The following MAGI2 variants were observed in gnomAD, a reference collection of about 807,000 sequenced individuals.
MAGI2 encodes membrane associated guanylate kinase, WW and PDZ domain containing 2.
Under a neutral mutation model 133.3 loss-of-function variants are expected in MAGI2, and 35 were observed. That is an observed-to-expected ratio of 0.26 (90% confidence interval 0.20 to 0.35). The LOEUF (loss-of-function observed/expected upper bound fraction) is 0.35. Among genes scored for constraint, MAGI2 ranks in the 10% least tolerant of loss-of-function variants. MAGI2 has a pLI of 1.00. For missense variants in MAGI2, 1,636 were observed against 1,863.4 expected (o/e 0.88, Z 2.25); for synonymous variants, 729 against 710.6 (o/e 1.03, Z -0.41).
chr7:78,810,940 A>C (rs1333275354), intron 2 of MAGI2, among the ~76,000 whole-genome samples: 1 of 152,084 alleles, frequency 6.6e-6, no homozygotes, highest in Admixed American at 6.5e-5. Flanking sequence ...TCAAATTATA[A>C]GATATAAACA....
chr7:79,057,917 A>G lies in MAGI2; in HGVS notation c.302-50711T>C, dbSNP rs187136576. ...ATCCCAAAATGGGCAGGTGACTGTA[A>G]GTAACTATACAAATTGTTCCTGCCC... On this transcript the variant is annotated intron_variant, in intron 1 of 21. Coordinates refer to ENST00000354212, the MANE Select transcript of MAGI2 (RefSeq NM_012301.4). Among the ~76,000 whole-genome samples, 60 of 151,874 alleles carry G rather than the reference A, an allele frequency of 4.0e-4. 1 individual carries two copies. Among genetic ancestry groups the G allele is most frequent in the African/African-American group, 1.4e-3 (58 of 41,420 alleles).
chr7:78,152,785 G>C (rs572266735), intron 16 of MAGI2, among the ~76,000 whole-genome samples: 15 of 152,298 alleles, frequency 9.8e-5, no homozygotes, highest in African/African-American at 3.6e-4. Flanking sequence ...CTTCTGCTAT[G>C]AAAGCACTCA....
At chr7:78,516,230 C>A (rs548152807) in intron 4 of MAGI2, among the ~76,000 whole-genome samples, 1 of 152,262 alleles carries the variant, frequency 6.6e-6, no homozygotes, top group African/African-American at 2.4e-5. Context: ...TTAATGGGAG[C>A]CCGTGCTAAC....
intron 1 of MAGI2, among the ~76,000 whole-genome samples, chr7:79,022,527 A>C (rs941294478): frequency 1.5e-4 from 23 of 152,064 alleles, no homozygotes; most frequent in African/African-American, 5.1e-4. Context: ...AACCAAAATC[A>C]GAACTGAAAT....
intron 9 of MAGI2, among the ~76,000 whole-genome samples, chr7:78,336,016 A>G (rs1343149777): frequency 1.3e-5 from 2 of 152,208 alleles, no homozygotes; most frequent in Admixed American, 1.3e-4. Context: ...ACAACTGTAT[A>G]AGTGTATTTG....
At chr7:78,844,895 A>C (rs558390828) in intron 2 of MAGI2, among the ~76,000 whole-genome samples, 17 of 152,086 alleles carry the variant, frequency 1.1e-4, no homozygotes, top group African/African-American at 4.1e-4. Context: ...TGCTGAAAGA[A>C]GTAGAGAATC....
chr7:79,199,741 G>A (rs979951392), intron 1 of MAGI2, among the ~76,000 whole-genome samples: 1 of 151,900 alleles, frequency 6.6e-6, no homozygotes, highest in African/African-American at 2.4e-5. Context: ...AAGCCTCTAG[G>A]TGAATAGACA....
chr7:79,162,412 C>T (rs941750389), intron 1 of MAGI2, among the ~76,000 whole-genome samples: 5 of 152,130 alleles, frequency 3.3e-5, no homozygotes, highest in Admixed American at 2.0e-4. Context: ...ACTATACAAG[C>T]ACCCTCCCTC....
intron 6 of MAGI2, among the ~76,000 whole-genome samples, chr7:78,453,826 T>C (rs1584206077): frequency 6.6e-6 from 1 of 152,166 alleles, no homozygotes; most frequent in Non-Finnish European, 1.5e-5. Flanking sequence ...TGTAATCCCT[T>C]TAACATGACA....
At chr7:79,171,770 A>ATATTTTT in intron 1 of MAGI2, among the ~76,000 whole-genome samples, 5 of 31,224 alleles carry the variant, frequency 1.6e-4, no homozygotes, top group East Asian at 6.5e-4. Context: ...ATATATATAT[A>ATATTTTT]TTTTTTTTTT....
intron 1 of MAGI2, among the ~76,000 whole-genome samples, chr7:79,183,095 A>G (rs1016562347): frequency 2.0e-5 from 3 of 151,934 alleles, no homozygotes; most frequent in Admixed American, 6.6e-5. Context: ...GGGTACAAAC[A>G]TGCAGTTAGA....
At chr7:78,481,661 G>A (rs988976391) in intron 6 of MAGI2, among the ~76,000 whole-genome samples, 1 of 151,618 alleles carries the variant, frequency 6.6e-6, no homozygotes, top group East Asian at 1.9e-4. Flanking sequence ...CATGGAAGAA[G>A]AATAGCCTTT....
chr7:78,500,798 A>AT (rs764856010), intron 5 of MAGI2, among the ~76,000 whole-genome samples: 28 of 152,024 alleles, frequency 1.8e-4, no homozygotes, highest in Non-Finnish European at 3.2e-4. Context: ...TGCTAAAAGC[A>AT]TTTTTTTTGG....
intron 2 of MAGI2, among the ~76,000 whole-genome samples, chr7:78,774,941 A>C (rs1825868484): frequency 6.6e-6 from 1 of 152,126 alleles, no homozygotes; most frequent in African/African-American, 2.4e-5. Context: ...TACAAACACC[A>C]CTAAGTGACT....
At chr7:79,168,643 C>G (rs2049738506) in intron 1 of MAGI2, among the ~76,000 whole-genome samples, 1 of 151,696 alleles carries the variant, frequency 6.6e-6, no homozygotes, top group Admixed American at 6.6e-5. Context: ...AGGTCAGTTG[C>G]CTTTGGAATG....
chr7:79,162,873 A>T (rs1824505458), intron 1 of MAGI2, among the ~76,000 whole-genome samples: 1 of 152,068 alleles, frequency 6.6e-6, no homozygotes, highest in African/African-American at 2.4e-5. Context: ...TATAACTTTG[A>T]CTTTTGGTTT....
At chr7:78,750,386 C>T (rs1338732646) in intron 2 of MAGI2, among the ~76,000 whole-genome samples, 2 of 152,082 alleles carry the variant, frequency 1.3e-5, no homozygotes, top group African/African-American at 4.8e-5. Flanking sequence ...ATGATTTATA[C>T]TCCTTTGGGT....
chr7:79,341,424 C>A (rs1840896551), intron 1 of MAGI2, among the ~76,000 whole-genome samples: 1 of 151,598 alleles, frequency 6.6e-6, no homozygotes, highest in Admixed American at 6.6e-5. Flanking sequence ...CACCCTTAAG[C>A]AAGAGGTGAT....
chr7:79,278,770 T>C (rs1358268462), intron 1 of MAGI2, among the ~76,000 whole-genome samples: 1 of 152,292 alleles, frequency 6.6e-6, no homozygotes, highest in East Asian at 1.9e-4. Flanking sequence ...AGGAATCAGA[T>C]GGAATTTGTT....
Sources: gnomAD v4.1 joint callset for allele counts (sites outside exome capture counted in the v4.1 genomes callset) on GRCh38, gnomAD v4.1.1 for gene constraint, MANE v1.5 for transcripts, NCBI Gene and HGNC (gene_info 2026-07-23, HGNC 2026-07-21) for gene names.